The following SLC2A13 variants were observed in gnomAD, a reference collection of about 807,000 sequenced individuals.
The protein encoded by SLC2A13 is solute carrier family 2 member 13.
SLC2A13 carries 32 observed loss-of-function variants against 64.4 expected under a neutral mutation model. The observed-to-expected ratio is 0.50, with a 90% confidence interval of 0.37 to 0.67. The LOEUF is 0.67. Ranked by LOEUF, SLC2A13 falls within the 30% of genes least tolerant of loss-of-function variation. The pLI, the probability that SLC2A13 is intolerant of heterozygous loss-of-function variation, is 0.00. For synonymous variants in SLC2A13, 338 were observed against 327.1 expected (o/e 1.03, Z -0.36); for missense variants, 743 against 829.2 (o/e 0.90, Z 1.28).
chr12:40,083,040 G>T (rs974079137), intron 1 of SLC2A13, among the ~76,000 whole-genome samples: 3 of 152,078 alleles, frequency 2.0e-5, no homozygotes, highest in Admixed American at 6.5e-5. Flanking sequence ...AGTTCTTCCT[G>T]TCTGCATCTA....
intron 1 of SLC2A13, among the ~76,000 whole-genome samples, chr12:40,054,321 A>G (rs1205203063): frequency 6.6e-6 from 1 of 152,162 alleles, no homozygotes; most frequent in Non-Finnish European, 1.5e-5. Flanking sequence ...TTCTATGAAG[A>G]GCTTTTGATT....
chr12:39,849,520 T>C (rs947401120), intron 6 of SLC2A13, among the ~76,000 whole-genome samples: 1 of 152,202 alleles, frequency 6.6e-6, no homozygotes, highest in Non-Finnish European at 1.5e-5. Context: ...ATTGAGGTGC[T>C]CATGACTGCC....
At chr12:39,897,706 C>T (rs952826022) in intron 4 of SLC2A13, among the ~76,000 whole-genome samples, 3 of 151,900 alleles carry the variant, frequency 2.0e-5, no homozygotes, top group Non-Finnish European at 4.4e-5. Context: ...AATTAATTGG[C>T]CTAATGGAGT....
chr12:40,078,906 T>C (rs1938284399), intron 1 of SLC2A13, among the ~76,000 whole-genome samples: 1 of 152,208 alleles, frequency 6.6e-6, no homozygotes, highest in African/African-American at 2.4e-5. Flanking sequence ...CTAGGTTTTC[T>C]AGTTGGTGTG....
chr12:40,061,534 T>C (rs1339115562), intron 1 of SLC2A13, among the ~76,000 whole-genome samples: 2 of 152,168 alleles, frequency 1.3e-5, no homozygotes, highest in Non-Finnish European at 2.9e-5. Flanking sequence ...GTAACAACTA[T>C]GTACACAGCA....
rs796454746 is a variant in SLC2A13 at position 39,936,587 on chromosome 12, TA to T, written c.1034+14669del. Among the ~76,000 whole-genome samples, 15 of 152,252 alleles carry T rather than the reference TA, an allele frequency of 9.9e-5. No homozygotes were observed. In the South Asian group the frequency reaches 2.1e-3, roughly 21 times the overall value. On this transcript the variant is annotated intron_variant, in intron 4 of 9. Coordinates refer to ENST00000280871, the MANE Select transcript of SLC2A13 (RefSeq NM_052885.4). ...GGTTTAAGTGGGATTCTGTTGCAAA[TA>T]ATATGAGCTCTGACTAAAGCAAGGC...
chr12:39,864,279 G>C (rs549611668), intron 6 of SLC2A13, among the ~76,000 whole-genome samples: 2 of 152,290 alleles, frequency 1.3e-5, no homozygotes, highest in African/African-American at 4.8e-5. Flanking sequence ...TCCTCTGAAA[G>C]AGCCTCAGTA....
chr12:40,023,867 C>G (rs1266212470), intron 3 of SLC2A13, among the ~76,000 whole-genome samples: 1 of 152,016 alleles, frequency 6.6e-6, no homozygotes, highest in Non-Finnish European at 1.5e-5. Flanking sequence ...AAAACTGGAA[C>G]TATTTAGGAA....
chr12:39,936,097 G>A (rs1945913059), intron 4 of SLC2A13, among the ~76,000 whole-genome samples: 2 of 152,206 alleles, frequency 1.3e-5, no homozygotes, highest in Non-Finnish European at 2.9e-5. Context: ...GTCAAGATGA[G>A]ACATAATTGA....
rs144552601 is a variant in SLC2A13, at chr12:39,987,482, A to G, written c.926-36117T>C. On this transcript the variant is annotated intron_variant, in intron 3 of 9. Coordinates refer to ENST00000280871, the MANE Select transcript of SLC2A13 (RefSeq NM_052885.4). Reference sequence around the variant, plus strand: ...AAGCAAACTCCTGACTCCCTTCCCCAAAATAATAACAATAACCTGTTTCTC... The same window carrying G: ...AAGCAAACTCCTGACTCCCTTCCCCGAAATAATAACAATAACCTGTTTCTC... Among the ~76,000 whole-genome samples, 464 of 152,298 alleles carry G rather than the reference A, an allele frequency of 3.0e-3. 2 individuals are homozygous for G. The highest frequency in any genetic ancestry group is 5.1e-3 in the Non-Finnish European group (349 of 68,016).
intron 6 of SLC2A13, among the ~76,000 whole-genome samples, chr12:39,855,558 A>G (rs1040370079): frequency 6.6e-6 from 1 of 152,198 alleles, no homozygotes; most frequent in African/African-American, 2.4e-5. Flanking sequence ...TGTGAGCTCC[A>G]TGAGGAGGAA....
At chr12:40,040,356 A>C (rs1325502496) in intron 2 of SLC2A13, among the ~76,000 whole-genome samples, 1 of 152,236 alleles carries the variant, frequency 6.6e-6, no homozygotes, top group African/African-American at 2.4e-5. Context: ...TCTTCATGAT[A>C]AACAGTCGTA....
At position 39,938,686 on chromosome 12, in the gene SLC2A13, CTTT is replaced by C. The variant is rs57069142; in HGVS notation, c.1034+12568_1034+12570del. On this transcript the variant is annotated intron_variant, in intron 4 of 9. Coordinates refer to ENST00000280871, the MANE Select transcript of SLC2A13 (RefSeq NM_052885.4). The stretch of plus-strand genomic sequence containing the variant: ...CACATGGTTAGCCAGGGATCATTGA[CTTT>C]TTTTTTTTTTTTACTAAAAATGGAT... 2.3e-4 allele frequency among the ~76,000 whole-genome samples: 33 copies of C among 145,738 alleles called. No homozygotes were observed. The East Asian group carries it at 2.6e-3, about 11-fold the overall frequency.
chr12:39,895,969 T>C lies in SLC2A13; in HGVS notation c.1035-24008A>G, dbSNP rs532274645. Among the ~76,000 whole-genome samples, 148 of 145,120 alleles carry C rather than the reference T, an allele frequency of 1.0e-3. 1 individual carries two copies. Among genetic ancestry groups the C allele is most frequent in the Non-Finnish European group, 1.7e-3 (112 of 67,312 alleles). On this transcript the variant is annotated intron_variant, in intron 4 of 9. Coordinates refer to ENST00000280871, the MANE Select transcript of SLC2A13 (RefSeq NM_052885.4). ...ATGCGTATATGTGTATATATACATG[T>C]GTATATGTATACATACATTCATATA...
chr12:39,761,922 CAA>C (rs2135709344), intron 9 of SLC2A13, among the ~76,000 whole-genome samples: 1 of 152,142 alleles, frequency 6.6e-6, no homozygotes, highest in Admixed American at 6.5e-5. Context: ...TTAGAAGTAA[CAA>C]ATCAAATCTG....
At chr12:39,988,834 A>G (rs544417297) in intron 3 of SLC2A13, among the ~76,000 whole-genome samples, 1 of 152,276 alleles carries the variant, frequency 6.6e-6, no homozygotes, top group East Asian at 1.9e-4. Context: ...CCTTTGAGTC[A>G]TCTTTCATTC....
chr12:40,014,002 A>G (rs1718113365), intron 3 of SLC2A13, among the ~76,000 whole-genome samples: 1 of 152,230 alleles, frequency 6.6e-6, no homozygotes, highest in African/African-American at 2.4e-5. Context: ...GAACATATCT[A>G]TACTCAAACA....
chr12:39,928,526 T>C (rs1181832733), intron 4 of SLC2A13, among the ~76,000 whole-genome samples: 1 of 152,200 alleles, frequency 6.6e-6, no homozygotes, highest in African/African-American at 2.4e-5. Flanking sequence ...ATTAAGGATA[T>C]TAAATGCGTA....
chr12:39,883,003 A>G (rs550376630), intron 4 of SLC2A13, among the ~76,000 whole-genome samples: 313 of 152,218 alleles, frequency 2.1e-3, no homozygotes, highest in Non-Finnish European at 3.3e-3. Context: ...CTTAGTGTTT[A>G]TTTACATGAA....
Sources: gnomAD v4.1 joint callset for allele counts (sites outside exome capture counted in the v4.1 genomes callset) on GRCh38, gnomAD v4.1.1 for gene constraint, MANE v1.5 for transcripts, NCBI Gene and HGNC (gene_info 2026-07-23, HGNC 2026-07-21) for gene names.